APPBP2: variants seen among roughly 807,000 people sequenced by gnomAD.
The protein encoded by APPBP2 is amyloid beta precursor protein binding protein 2.
Under a neutral mutation model 76.0 loss-of-function variants are expected in APPBP2, and 15 were observed. That is an observed-to-expected ratio of 0.20 (90% confidence interval 0.13 to 0.30). APPBP2 has a LOEUF of 0.30. Ranked by LOEUF, APPBP2 falls within the 10% of genes least tolerant of loss-of-function variation. The pLI is 1.00. For missense variants in APPBP2, 401 were observed against 687.2 expected, an observed-to-expected ratio of 0.58 and a Z score of 4.66; for synonymous variants, 222 against 242.2, an observed-to-expected ratio of 0.92 and a Z score of 0.77.
intron 1 of APPBP2, among the ~76,000 whole-genome samples, chr17:60,502,218 C>T (rs2090828733): frequency 6.6e-6 from 1 of 152,160 alleles, no homozygotes; most frequent in Non-Finnish European, 1.5e-5. Context: ...TGAGCCACTG[C>T]GTTCAGCCTA....
intron 9 of APPBP2, among the ~76,000 whole-genome samples, chr17:60,457,400 TCTG>T (rs1036741826): frequency 5.9e-5 from 9 of 152,146 alleles, no homozygotes; most frequent in African/African-American, 2.2e-4. Context: ...GTTTAACTTG[TCTG>T]CTGAGGTTTT....
chr17:60,488,720 AAGT>A (rs751722050), intron 3 of APPBP2, among the ~76,000 whole-genome samples: 3 of 152,174 alleles, frequency 2.0e-5, no homozygotes, highest in Non-Finnish European at 4.4e-5. Flanking sequence ...AGATTGGCAT[AAGT>A]AGATGTGGAG....
At chr17:60,448,976 T>C (rs1051537797) in intron 12 of APPBP2, among the ~76,000 whole-genome samples, 1 of 152,158 alleles carries the variant, frequency 6.6e-6, no homozygotes, top group Admixed American at 6.5e-5. Context: ...GGGGCAACAA[T>C]TTAACATGTT....
intron 1 of APPBP2, among the ~76,000 whole-genome samples, chr17:60,512,535 A>C (rs1437465077): frequency 6.6e-6 from 1 of 151,680 alleles, no homozygotes; most frequent in African/African-American, 2.4e-5. Context: ...ACTGGTTAGC[A>C]CCTCAAGAAT....
At chr17:60,498,926 T>C (rs1183930132) in intron 2 of APPBP2, among the ~76,000 whole-genome samples, 1 of 152,034 alleles carries the variant, frequency 6.6e-6, no homozygotes, top group African/African-American at 2.4e-5. Context: ...GCAAAATTAT[T>C]TTATCCACTC....
At chr17:60,493,434 C>T (rs1450012423) in intron 3 of APPBP2, among the ~76,000 whole-genome samples, 2 of 152,120 alleles carry the variant, frequency 1.3e-5, no homozygotes, top group Non-Finnish European at 2.9e-5. Flanking sequence ...ATACATTAAA[C>T]AATATTTTTC....
intron 1 of APPBP2, among the ~76,000 whole-genome samples, chr17:60,522,105 T>C (rs985227152): frequency 6.6e-6 from 1 of 152,158 alleles, no homozygotes; most frequent in Non-Finnish European, 1.5e-5. Context: ...CATATCCCCG[T>C]CATTAAGCAA....
chr17:60,518,276 G>C (rs1198390539), intron 1 of APPBP2, among the ~76,000 whole-genome samples: 1 of 151,834 alleles, frequency 6.6e-6, no homozygotes, highest in Non-Finnish European at 1.5e-5. Flanking sequence ...TGAACTCTTA[G>C]GCTTAAGCAA....
At chr17:60,483,256 C>T (rs780187018) in intron 3 of APPBP2, among the ~76,000 whole-genome samples, 8 of 152,120 alleles carry the variant, frequency 5.3e-5, no homozygotes, top group Non-Finnish European at 1.2e-4. Context: ...ATGTCCTTTG[C>T]CCACTTTTTG....
intron 1 of APPBP2, among the ~76,000 whole-genome samples, chr17:60,520,897 G>A (rs964029828): frequency 6.6e-5 from 10 of 152,058 alleles, no homozygotes; most frequent in Admixed American, 1.3e-4. Context: ...ACACAGCCCC[G>A]TCTCTATTTC....
chr17:60,477,800 C>CAA (rs1177773203), intron 4 of APPBP2, among the ~76,000 whole-genome samples: 1,340 of 66,804 alleles, frequency 0.02, 24 homozygotes, highest in African/African-American at 0.055. Context: ...TCCAACTGGC[C>CAA]AAAAAAAAAA....
intron 12 of APPBP2, among the ~76,000 whole-genome samples, chr17:60,450,013 G>T (rs12946155): frequency 1 from 151,892 of 151,898 alleles, 75,943 homozygotes; most frequent in Middle Eastern, 1. Context: ...GCCAGGCTGG[G>T]CTTGGACTCC....
intron 9 of APPBP2, among the ~76,000 whole-genome samples, chr17:60,457,837 T>C (rs574060162): frequency 3.3e-5 from 5 of 152,364 alleles, no homozygotes; most frequent in Non-Finnish European, 5.9e-5. Flanking sequence ...ACCCATTTAA[T>C]GTGTACAATT....
chr17:60,450,291 A>C (rs2090383416), intron 12 of APPBP2, among the ~76,000 whole-genome samples: 1 of 151,586 alleles, frequency 6.6e-6, no homozygotes, highest in Non-Finnish European at 1.5e-5. Context: ...ACAAAAAATT[A>C]GCTGGGCATG....
intron 5 of APPBP2, chr17:60,464,894 C>G (rs1310388120): frequency 6.6e-6 from 1 of 151,914 alleles, no homozygotes; most frequent in African/African-American, 2.4e-5. Flanking sequence ...TATCAAAAAT[C>G]AAAAAAATTA....
intron 4 of APPBP2, among the ~76,000 whole-genome samples, chr17:60,467,685 A>C (rs188215710): frequency 1.3e-5 from 2 of 152,338 alleles, no homozygotes; most frequent in African/African-American, 4.8e-5. Context: ...AAGATTCTGA[A>C]AGGAGGTATT....
intron 4 of APPBP2, among the ~76,000 whole-genome samples, chr17:60,478,267 T>A (rs1185393921): frequency 6.6e-6 from 1 of 152,070 alleles, no homozygotes; most frequent in Non-Finnish European, 1.5e-5. Flanking sequence ...CAAATCAAAT[T>A]GGGGGACAAA....
intron 1 of APPBP2, among the ~76,000 whole-genome samples, chr17:60,510,555 A>G (rs112280386): frequency 0.083 from 12,440 of 150,100 alleles, 1,673 homozygotes; most frequent in African/African-American, 0.28. Flanking sequence ...GACCCCCATC[A>G]CTACAAAAAA....
At chr17:60,458,727 T>C (rs1457389334) in intron 9 of APPBP2, among the ~76,000 whole-genome samples, 1 of 151,868 alleles carries the variant, frequency 6.6e-6, no homozygotes, top group Non-Finnish European at 1.5e-5. Context: ...TTTAATCATA[T>C]AAAGAACACA....
Sources: allele counts gnomAD v4.1 joint callset (sites outside exome capture counted in the v4.1 genomes callset), GRCh38; gene constraint gnomAD v4.1.1; transcripts MANE v1.5; gene names NCBI Gene and HGNC (gene_info 2026-07-23, HGNC 2026-07-21).